ADAMTS12: variants seen among roughly 807,000 people sequenced by gnomAD.
The protein encoded by ADAMTS12 is ADAM metallopeptidase with thrombospondin type 1 motif 12, also known as A disintegrin and metalloproteinase with thrombospondin motifs 12.
ADAMTS12 carries 118 observed loss-of-function variants against 167.8 expected under a neutral mutation model. That is an observed-to-expected ratio of 0.70 (90% CI 0.61 to 0.82). The LOEUF (loss-of-function observed/expected upper bound fraction) is 0.82, where lower values mean the gene tolerates loss of function less well. Among genes scored for constraint, ADAMTS12 ranks in the 40% least tolerant of loss-of-function variants. The probability of loss-of-function intolerance (pLI) is 0.00; values close to 1 mark genes in which losing one functional copy is unlikely to be tolerated. For synonymous variants in ADAMTS12, 704 were observed against 716.9 expected (o/e 0.98, Z 0.29); for missense variants, 1,916 against 1,998.8 (o/e 0.96, Z 0.79).
intron 14 of ADAMTS12, among the ~76,000 whole-genome samples, chr5:33,621,399 CAAAAA>C (rs202182365): frequency 3.7e-5 from 3 of 82,116 alleles, no homozygotes; most frequent in Non-Finnish European, 2.5e-5. Context: ...GACTCCATCT[CAAAAA>C]AAAAAAAAAA....
At chr5:33,663,756 A>G (rs548616657) in intron 5 of ADAMTS12, among the ~76,000 whole-genome samples, 1 of 152,314 alleles carries the variant, frequency 6.6e-6, no homozygotes, top group South Asian at 2.1e-4. Flanking sequence ...ACAGGAAGGC[A>G]TGTTATCACA....
At chr5:33,584,858 A>G (rs2111994652) in intron 18 of ADAMTS12, among the ~76,000 whole-genome samples, 1 of 152,336 alleles carries the variant, frequency 6.6e-6, no homozygotes. Context: ...TCCTATAAGG[A>G]AAAATCATTT....
chr5:33,692,947 C>T (rs889176648), intron 3 of ADAMTS12, among the ~76,000 whole-genome samples: 3 of 152,182 alleles, frequency 2.0e-5, no homozygotes, highest in African/African-American at 7.2e-5. Context: ...GGAAAGTAGA[C>T]ACTATGCTTG....
At chr5:33,614,136 A>G in intron 16 of ADAMTS12, 102 bp downstream of exon 16, 1 of 1,446,906 alleles carries the variant, frequency 6.9e-7, no homozygotes, top group East Asian at 2.4e-5. Context: ...GGAGCCCTGC[A>G]GATCCATGGG....
At chr5:33,580,474 A>G (rs188250432) in intron 18 of ADAMTS12, among the ~76,000 whole-genome samples, 90 of 152,148 alleles carry the variant, frequency 5.9e-4, no homozygotes, top group African/African-American at 2.0e-3. Flanking sequence ...CCCTCCCTCA[A>G]CACATGGGGA....
At chr5:33,789,466 G>T (rs923758848) in intron 2 of ADAMTS12, among the ~76,000 whole-genome samples, 1 of 152,094 alleles carries the variant, frequency 6.6e-6, no homozygotes, top group Non-Finnish European at 1.5e-5. Flanking sequence ...CCGCTCTCAG[G>T]GTCTCTTCTT....
At chr5:33,821,508 T>C (rs866524023) in intron 2 of ADAMTS12, among the ~76,000 whole-genome samples, 1 of 152,330 alleles carries the variant, frequency 6.6e-6, no homozygotes, top group Middle Eastern at 3.4e-3. Flanking sequence ...AATGAAATTA[T>C]AATGTTTTAG....
chr5:33,544,928 A>T (rs1479774590), intron 22 of ADAMTS12, among the ~76,000 whole-genome samples: 2 of 152,152 alleles, frequency 1.3e-5, no homozygotes, highest in Non-Finnish European at 2.9e-5. Flanking sequence ...CCTAGGCAAT[A>T]CCATTCAGGA....
intron 22 of ADAMTS12, among the ~76,000 whole-genome samples, chr5:33,540,990 G>A (rs915351392): frequency 2.2e-4 from 34 of 152,312 alleles, no homozygotes; most frequent in African/African-American, 6.3e-4. Context: ...TGACTTTGAC[G>A]AGTTGACAGA....
intron 2 of ADAMTS12, among the ~76,000 whole-genome samples, chr5:33,819,709 A>G (rs1464942062): frequency 6.6e-6 from 1 of 152,118 alleles, no homozygotes; most frequent in African/African-American, 2.4e-5. Context: ...CGATCCACTC[A>G]GAAGAATCTG....
intron 5 of ADAMTS12, among the ~76,000 whole-genome samples, chr5:33,676,723 G>C (rs1166540906): frequency 1.3e-5 from 2 of 149,874 alleles, no homozygotes; most frequent in Non-Finnish European, 3.0e-5. Flanking sequence ...GAGAGAGAGA[G>C]AGAGAGAATA....
intron 19 of ADAMTS12, among the ~76,000 whole-genome samples, chr5:33,565,953 C>T (rs1177574728): frequency 6.6e-6 from 1 of 151,978 alleles, no homozygotes; most frequent in Non-Finnish European, 1.5e-5. Flanking sequence ...ATAATTAAAA[C>T]ACATTTAAAT....
intron 14 of ADAMTS12, among the ~76,000 whole-genome samples, chr5:33,622,820 T>C (rs1289885457): frequency 6.6e-6 from 1 of 152,242 alleles, no homozygotes; most frequent in Non-Finnish European, 1.5e-5. Flanking sequence ...TGCTTAATCA[T>C]AAGCCTAAGA....
intron 2 of ADAMTS12, among the ~76,000 whole-genome samples, chr5:33,766,101 G>A (rs1361520072): frequency 6.6e-6 from 1 of 152,110 alleles, no homozygotes; most frequent in Non-Finnish European, 1.5e-5. Context: ...TTCTCTCCAG[G>A]AGGTGGAACT....
At chr5:33,822,767 A>G (rs1747911064) in intron 2 of ADAMTS12, among the ~76,000 whole-genome samples, 1 of 152,170 alleles carries the variant, frequency 6.6e-6, no homozygotes, top group Admixed American at 6.5e-5. Context: ...ATTCTAAAGA[A>G]AAATAAAAAA....
At chr5:33,742,950 G>C (rs1744647317) in intron 3 of ADAMTS12, among the ~76,000 whole-genome samples, 1 of 152,212 alleles carries the variant, frequency 6.6e-6, no homozygotes, top group African/African-American at 2.4e-5. Context: ...GATGACAAGT[G>C]CTGTGAAAAA....
chr5:33,558,232 G>A (rs1208021114), intron 20 of ADAMTS12, among the ~76,000 whole-genome samples: 2 of 152,126 alleles, frequency 1.3e-5, no homozygotes, highest in Non-Finnish European at 2.9e-5. Context: ...GACTGCTGAT[G>A]TATGCAATAC....
chr5:33,530,195 G>A (rs1324333727), intron 23 of ADAMTS12, among the ~76,000 whole-genome samples: 3 of 152,148 alleles, frequency 2.0e-5, no homozygotes, highest in African/African-American at 7.2e-5. Flanking sequence ...CAAAGTGCTA[G>A]GATTACAGGT....
chr5:33,861,689 C>T (rs1332219194), intron 2 of ADAMTS12, among the ~76,000 whole-genome samples: 3 of 152,188 alleles, frequency 2.0e-5, no homozygotes, highest in Non-Finnish European at 4.4e-5. Flanking sequence ...TAATATACAT[C>T]TACAGAACTC....
Sources: gnomAD v4.1 joint callset for allele counts (sites outside exome capture counted in the v4.1 genomes callset) on GRCh38, gnomAD v4.1.1 for gene constraint, MANE v1.5 for transcripts, NCBI Gene and HGNC (gene_info 2026-07-23, HGNC 2026-07-21) for gene names.